Variants in DDAH1 observed in about 807,000 individuals in gnomAD.
DDAH1 encodes the protein N(G),N(G)-dimethylarginine dimethylaminohydrolase 1.
In DDAH1, 19 loss-of-function variants were observed where a neutral mutation model predicts 28.8. The observed-to-expected ratio is 0.66, with a 90% CI of 0.46 to 0.97. DDAH1 has a LOEUF of 0.97. Among genes scored for constraint, DDAH1 ranks in the 50% least tolerant of loss-of-function variants. The pLI is 0.00. For missense variants in DDAH1, 326 were observed against 375.9 expected (o/e 0.87, Z 1.10); for synonymous variants, 153 against 154.4 (o/e 0.99, Z 0.07).
At chr1:85,408,103 G>A (rs1410932101) in intron 1 of DDAH1, among the ~76,000 whole-genome samples, 2 of 152,150 alleles carry the variant, frequency 1.3e-5, no homozygotes, top group Non-Finnish European at 2.9e-5. Context: ...AACTTCAGCA[G>A]CTATAATAAA....
At chr1:85,485,958 G>A (rs570236440) in intron 2 of DDAH1, among the ~76,000 whole-genome samples, 1 of 152,276 alleles carries the variant, frequency 6.6e-6, no homozygotes, top group Admixed American at 6.5e-5. Context: ...CTTGGGAAGT[G>A]AACTATTTTG....
At chr1:85,541,199 G>A (rs1658462100) in intron 1 of DDAH1, among the ~76,000 whole-genome samples, 1 of 152,170 alleles carries the variant, frequency 6.6e-6, no homozygotes, top group South Asian at 2.1e-4. Flanking sequence ...TGATGGGCCT[G>A]CATAGTAGCA....
upstream of DDAH1, among the ~76,000 whole-genome samples, chr1:85,468,676 C>T (rs913030974): frequency 2.0e-5 from 3 of 152,122 alleles, no homozygotes; most frequent in African/African-American, 7.2e-5. Context: ...CCCGCCACCA[C>T]ACCCAGCTAA....
At chr1:85,423,704 T>C (rs1020865481) in intron 1 of DDAH1, among the ~76,000 whole-genome samples, 1 of 152,210 alleles carries the variant, frequency 6.6e-6, no homozygotes, top group Non-Finnish European at 1.5e-5. Flanking sequence ...TTGTCAGTTC[T>C]TTGGGATTTT....
At chr1:85,476,077 G>A (rs1352427233) in intron 2 of DDAH1, among the ~76,000 whole-genome samples, 4 of 152,114 alleles carry the variant, frequency 2.6e-5, no homozygotes, top group Non-Finnish European at 5.9e-5. Context: ...GCCCAGGCTG[G>A]TCTCAAACTC....
chr1:85,506,306 A>G (rs1657014572), intron 1 of DDAH1, among the ~76,000 whole-genome samples: 1 of 152,230 alleles, frequency 6.6e-6, no homozygotes, highest in East Asian at 1.9e-4. Flanking sequence ...AGTGTGAAAG[A>G]GTGAGCATTA....
intron 4 of DDAH1, among the ~76,000 whole-genome samples, chr1:85,332,406 T>C (rs576306791): frequency 3.1e-4 from 47 of 152,324 alleles, no homozygotes; most frequent in African/African-American, 1.1e-3. Flanking sequence ...CTGGGGCCAC[T>C]GTCAATGAAA....
intron 2 of DDAH1, among the ~76,000 whole-genome samples, chr1:85,474,691 A>G (rs1212408291): frequency 6.6e-6 from 1 of 152,150 alleles, no homozygotes; most frequent in Non-Finnish European, 1.5e-5. Context: ...TTATTACTGG[A>G]TCCTCAATTC....
chr1:85,518,166 T>A (rs1252232625), intron 1 of DDAH1, among the ~76,000 whole-genome samples: 2 of 152,246 alleles, frequency 1.3e-5, no homozygotes. Context: ...ATATGCACCC[T>A]GGAATCAGAC....
chr1:85,534,822 G>A (rs1261774364), intron 1 of DDAH1, among the ~76,000 whole-genome samples: 1 of 151,962 alleles, frequency 6.6e-6, no homozygotes, highest in Non-Finnish European at 1.5e-5. Flanking sequence ...AGAGCTTCTG[G>A]GCCCTCTGCC....
intron 1 of DDAH1, among the ~76,000 whole-genome samples, chr1:85,375,123 G>A (rs1456803032): frequency 2.6e-5 from 4 of 152,088 alleles, no homozygotes; most frequent in African/African-American, 9.7e-5. Flanking sequence ...ACCAGAGATA[G>A]AACAAAATAA....
At chr1:85,360,245 C>A (rs1479221684) in intron 1 of DDAH1, among the ~76,000 whole-genome samples, 1 of 152,192 alleles carries the variant, frequency 6.6e-6, no homozygotes, top group East Asian at 1.9e-4. Context: ...AATATATCAT[C>A]TCATCCTTGT....
intron 2 of DDAH1, among the ~76,000 whole-genome samples, chr1:85,356,851 G>GT (rs1476282052): frequency 6.6e-6 from 1 of 152,220 alleles, no homozygotes; most frequent in East Asian, 1.9e-4. Context: ...GACTCCTAGT[G>GT]TAAGTTGCAC....
rs542653735 is a variant in DDAH1 at position 85,508,404 on chromosome 1, C to T, written c.-122-12123G>A. ...GGTCTGCAGCTTCCAGTGTGATTGA[C>T]GCTGAAGACGGGTGATTTCCGCATT... On this transcript the variant is annotated intron_variant, in intron 1 of 6. Coordinates refer to the DDAH1 transcript ENST00000426972. Among the ~76,000 whole-genome samples, 28 of 152,294 alleles carry T rather than the reference C, an allele frequency of 1.8e-4. No homozygotes were observed. In the South Asian group the frequency reaches 5.0e-3, roughly 27 times the overall value.
At chr1:85,484,008 C>T (rs1158262901) in intron 2 of DDAH1, among the ~76,000 whole-genome samples, 1 of 151,922 alleles carries the variant, frequency 6.6e-6, no homozygotes, top group Admixed American at 6.6e-5. Flanking sequence ...TGTTATAAAC[C>T]CAGTTTGCAA....
At chr1:85,473,722 C>T (rs1324815443) in intron 2 of DDAH1, among the ~76,000 whole-genome samples, 2 of 152,206 alleles carry the variant, frequency 1.3e-5, no homozygotes. Flanking sequence ...TTCTTTTCTT[C>T]TGCCAGTCTG....
chr1:85,473,985 C>T (rs1322739969), intron 2 of DDAH1, among the ~76,000 whole-genome samples: 3 of 152,188 alleles, frequency 2.0e-5, no homozygotes, highest in Non-Finnish European at 4.4e-5. Context: ...TCCAAAGGCA[C>T]TCCAAAGTTG....
At chr1:85,517,549 A>G (rs1210495223) in intron 1 of DDAH1, among the ~76,000 whole-genome samples, 1 of 152,232 alleles carries the variant, frequency 6.6e-6, no homozygotes, top group Non-Finnish European at 1.5e-5. Flanking sequence ...GGTGCAAGCC[A>G]GGAGTAGAAA....
chr1:85,483,163 A>C (rs961206501), intron 2 of DDAH1, among the ~76,000 whole-genome samples: 6 of 151,676 alleles, frequency 4.0e-5, no homozygotes, highest in African/African-American at 1.5e-4. Context: ...ACAGTGAGCC[A>C]AGATCGTGCC....
Sources: gnomAD v4.1 joint callset for allele counts (sites outside exome capture counted in the v4.1 genomes callset) on GRCh38, gnomAD v4.1.1 for gene constraint, MANE v1.5 for transcripts, NCBI Gene and HGNC (gene_info 2026-07-23, HGNC 2026-07-21) for gene names.